MYH10: variants seen among roughly 807,000 people sequenced by gnomAD.
MYH10 encodes myosin-10.
A neutral mutation model predicts 257.8 loss-of-function variants in MYH10; 55 were observed. The observed-to-expected ratio is 0.21, with a 90% CI of 0.17 to 0.27. The LOEUF (loss-of-function observed/expected upper bound fraction) is 0.27. MYH10 is among the 10% of genes least tolerant of loss of function. The probability of loss-of-function intolerance (pLI) is 1.00; values close to 1 mark genes in which losing one functional copy is unlikely to be tolerated. For missense variants in MYH10, 1,631 were observed against 2,500.6 expected, an observed-to-expected ratio of 0.65 and a Z score of 7.42; for synonymous variants, 854 against 921.7, an observed-to-expected ratio of 0.93 and a Z score of 1.33.
intron 18 of MYH10, 36 bp from the exon 19 acceptor site, chr17:8,521,035 T>C: frequency 6.2e-7 from 1 of 1,611,188 alleles, no homozygotes. Flanking sequence ...GGTTTAATCT[T>C]TAGCATCTGA....
intron 31 of MYH10, among the ~76,000 whole-genome samples, chr17:8,494,594 T>G (rs1307449158): frequency 6.6e-6 from 1 of 152,056 alleles, no homozygotes; most frequent in Non-Finnish European, 1.5e-5. Context: ...AAATAAACAC[T>G]CATAAGTGTT....
rs1337585143 is a variant in MYH10, at chr17:8,535,965, T to G, written c.1606-34A>C. 2 of 1,594,918 alleles carry G rather than the reference T, an allele frequency of 1.3e-6. No homozygotes were observed. The highest frequency in any genetic ancestry group is 2.7e-5 in the African/African-American group (2 of 74,142). ...GACAGGCAATAAGAATTCACAAGTT[T>G]TGCATGCCACTTTAATACTACTGAG... On this transcript the variant is annotated intron_variant, in intron 14 of 42. Coordinates refer to ENST00000360416, the MANE Select transcript of MYH10 (RefSeq NM_001256012.3). The surrounding 1 kb of genome is among the most constrained non-coding windows in gnomAD (Gnocchi z 4.3).
chr17:8,511,025 T>TATATATAA (rs1852906912), intron 24 of MYH10: 13 of 4,212 alleles, frequency 3.1e-3, no homozygotes, highest in African/African-American at 3.8e-3. Flanking sequence ...CATATATATA[T>TATATATAA]ATATATATAT....
intron 21 of MYH10, among the ~76,000 whole-genome samples, chr17:8,514,245 G>A (rs369763417): frequency 1.3e-5 from 2 of 152,300 alleles, no homozygotes; most frequent in East Asian, 3.9e-4. Flanking sequence ...AGAAGGGCCC[G>A]TTTTCTCTGT....
intron 6 of MYH10, among the ~76,000 whole-genome samples, chr17:8,571,976 T>C (rs1207364427): frequency 6.6e-6 from 1 of 151,376 alleles, no homozygotes; most frequent in Non-Finnish European, 1.5e-5. Context: ...ATGTGGAAAC[T>C]TGGAAAAACA....
chr17:8,571,395 C>T (rs963242817), intron 6 of MYH10, among the ~76,000 whole-genome samples: 7 of 151,082 alleles, frequency 4.6e-5, no homozygotes, highest in African/African-American at 9.7e-5. Flanking sequence ...AGGATGGTCT[C>T]GTGCTGTAAA....
chr17:8,499,592 T>G, intron 29 of MYH10, 116 bp from the exon 30 acceptor site: 2 of 854,476 alleles, frequency 2.3e-6, no homozygotes, highest in Non-Finnish European at 3.7e-6. Context: ...GTAGTCAACA[T>G]CTGTTGAATG....
chr17:8,615,625 T>C (rs143805675), intron 2 of MYH10, among the ~76,000 whole-genome samples: 8 of 152,148 alleles, frequency 5.3e-5, no homozygotes, highest in African/African-American at 1.9e-4. Flanking sequence ...CCTTGCAAGG[T>C]TAATTTAACA....
chr17:8,481,031 G>A (rs1913673536), intron 38 of MYH10, among the ~76,000 whole-genome samples: 1 of 32,370 alleles, frequency 3.1e-5, no homozygotes, highest in Admixed American at 3.3e-4. Context: ...AAGCTAGCTG[G>A]AAAGTGAAGG....
At chr17:8,536,532 T>A (rs533310480) in intron 14 of MYH10, among the ~76,000 whole-genome samples, 51 of 152,282 alleles carry the variant, frequency 3.3e-4, no homozygotes, top group African/African-American at 1.2e-3. Flanking sequence ...ATGCAATTAT[T>A]ACTTCATTGA....
At chr17:8,587,090 A>C (rs1434586538) in intron 4 of MYH10, among the ~76,000 whole-genome samples, 2 of 152,176 alleles carry the variant, frequency 1.3e-5, no homozygotes, top group Non-Finnish European at 2.9e-5. Context: ...CCACGTTAAA[A>C]GCCAGGGATA....
intron 2 of MYH10, among the ~76,000 whole-genome samples, chr17:8,621,526 C>A (rs1486667880): frequency 6.6e-6 from 1 of 152,162 alleles, no homozygotes; most frequent in Non-Finnish European, 1.5e-5. Flanking sequence ...TTGCGGTCAC[C>A]CTACACGTGG....
intron 4 of MYH10, among the ~76,000 whole-genome samples, chr17:8,582,986 C>T (rs1597890767): frequency 6.6e-6 from 1 of 152,142 alleles, no homozygotes; most frequent in Non-Finnish European, 1.5e-5. Context: ...TTATCTATAC[C>T]TATGCAAACA....
intron 9 of MYH10, among the ~76,000 whole-genome samples, chr17:8,550,086 T>C (rs7405781): frequency 0.49 from 69,919 of 143,616 alleles, 16,997 homozygotes; most frequent in Middle Eastern, 0.6. Flanking sequence ...AGTGCCGAGA[T>C]TGCAGCCTCT....
At chr17:8,621,014 A>C (rs1227227390) in intron 2 of MYH10, among the ~76,000 whole-genome samples, 1 of 152,192 alleles carries the variant, frequency 6.6e-6, no homozygotes, top group Non-Finnish European at 1.5e-5. Flanking sequence ...GCTGCAAAAC[A>C]AAAACAAAAA....
intron 6 of MYH10, among the ~76,000 whole-genome samples, chr17:8,573,475 G>A (rs1043177101): frequency 1.3e-5 from 2 of 152,202 alleles, no homozygotes; most frequent in Non-Finnish European, 2.9e-5. Context: ...GAAACACAGG[G>A]AGACAAGTGG....
At chr17:8,595,667 G>A (rs6503132) in intron 3 of MYH10, among the ~76,000 whole-genome samples, 147,579 of 152,110 alleles carry the variant, frequency 0.97, 71,763 homozygotes, top group Middle Eastern at 1. Context: ...CCAACCTCAG[G>A]TGATCCGCCT....
intron 34 of MYH10, among the ~76,000 whole-genome samples, chr17:8,491,168 G>T (rs1485890406): frequency 1.7e-4 from 3 of 17,976 alleles, no homozygotes; most frequent in Admixed American, 2.4e-3. Flanking sequence ...GTGCTGCTGT[G>T]CACCCCCTCT....
chr17:8,576,524 A>T (rs943515706), intron 6 of MYH10, 119 bp downstream of exon 6: 6 of 1,048,172 alleles, frequency 5.7e-6, no homozygotes, highest in South Asian at 4.7e-5. Flanking sequence ...CAAAATTAAA[A>T]TTTTTTAATG....
Sources: gnomAD v4.1 joint callset for allele counts (sites outside exome capture counted in the v4.1 genomes callset) on GRCh38, gnomAD v4.1.1 for gene constraint, Gnocchi (gnomAD v3.1) non-coding constraint, MANE v1.5 for transcripts, NCBI Gene and HGNC (gene_info 2026-07-23, HGNC 2026-07-21) for gene names.